LGR5: variants seen among roughly 807,000 people sequenced by gnomAD.
LGR5 encodes the protein leucine rich repeat containing G protein-coupled receptor 5.
LGR5 carries 54 observed loss-of-function variants against 76.7 expected under a neutral mutation model. That is an observed-to-expected ratio of 0.70 (90% CI 0.57 to 0.88). The LOEUF (loss-of-function observed/expected upper bound fraction) is 0.88. LGR5 is among the 40% of genes least tolerant of loss of function. The probability of loss-of-function intolerance (pLI) is 0.00; values close to 1 mark genes in which losing one functional copy is unlikely to be tolerated. For synonymous variants in LGR5, 406 were observed against 421.9 expected (o/e 0.96, Z 0.46); for missense variants, 1,078 against 1,073.3 (o/e 1.00, Z -0.06).
intron 5 of LGR5, among the ~76,000 whole-genome samples, chr12:71,555,870 C>T (rs553152923): frequency 3.0e-4 from 45 of 152,308 alleles, no homozygotes; most frequent in South Asian, 6.2e-4. Flanking sequence ...AAGACACATG[C>T]ATGTGTATGT....
chr12:71,518,173 AC>A lies in LGR5; in HGVS notation c.285-6232del, dbSNP rs1200857339. 2.0e-5 allele frequency among the ~76,000 whole-genome samples: 3 copies of A among 152,228 alleles called. No homozygotes were observed. In the East Asian group the frequency reaches 5.8e-4, roughly 29 times the overall value. ...ACTTAAACAAATTTACAAGAAAAAAACAAAAAATTAAAAAGTGAGCAAACAG... is the reference window on the plus strand; with the variant it reads ...ACTTAAACAAATTTACAAGAAAAAAAAAAAAATTAAAAAGTGAGCAAACAG... On this transcript the variant is annotated intron_variant, in intron 2 of 17. Transcript: ENST00000266674.
intron 1 of LGR5, chr12:71,441,701 C>A (rs1231149835): frequency 1.3e-5 from 2 of 152,202 alleles, no homozygotes; most frequent in African/African-American, 4.8e-5. Flanking sequence ...TCGCCTCCTC[C>A]TCTACCATAA....
At chr12:71,494,110 A>AT (rs1874206148) in intron 1 of LGR5, among the ~76,000 whole-genome samples, 1 of 149,526 alleles carries the variant, frequency 6.7e-6, no homozygotes, top group Non-Finnish European at 1.5e-5. Context: ...TGCCCGGCTA[A>AT]TTTTTTATAC....
At chr12:71,579,043 A>C in intron 15 of LGR5, 114 bp downstream of exon 15, 1 of 965,504 alleles carries the variant, frequency 1.0e-6, no homozygotes, top group East Asian at 2.7e-5. Context: ...ATTGCATTTC[A>C]TGCCCTCAAG....
intron 1 of LGR5, among the ~76,000 whole-genome samples, chr12:71,481,310 T>C (rs1222670371): frequency 2.6e-5 from 4 of 152,026 alleles, no homozygotes; most frequent in Non-Finnish European, 4.4e-5. Context: ...TGTGTTCTCA[T>C]TGTTCAATTC....
intron 2 of LGR5, among the ~76,000 whole-genome samples, chr12:71,513,964 T>G (rs1875299151): frequency 6.6e-6 from 1 of 151,822 alleles, no homozygotes; most frequent in South Asian, 2.1e-4. Context: ...AGCTTAGGAG[T>G]CTATAATCAG....
At chr12:71,514,240 A>G (rs1052782585) in intron 2 of LGR5, among the ~76,000 whole-genome samples, 2 of 152,174 alleles carry the variant, frequency 1.3e-5, no homozygotes, top group African/African-American at 4.8e-5. Flanking sequence ...AGATTCCATA[A>G]AGGAATTAAA....
chr12:71,491,290 G>A (rs567968441), intron 1 of LGR5, among the ~76,000 whole-genome samples: 1 of 152,266 alleles, frequency 6.6e-6, no homozygotes, highest in Non-Finnish European at 1.5e-5. Flanking sequence ...TAAGGGGGAT[G>A]CCAACAGAAA....
At chr12:71,519,317 A>T (rs1172040998) in intron 2 of LGR5, among the ~76,000 whole-genome samples, 1 of 152,166 alleles carries the variant, frequency 6.6e-6, no homozygotes, top group South Asian at 2.1e-4. Context: ...ATAGCACGTC[A>T]CCGCCACAAC....
chr12:71,523,232 G>A (rs1875811196), intron 2 of LGR5, among the ~76,000 whole-genome samples: 1 of 152,170 alleles, frequency 6.6e-6, no homozygotes, highest in African/African-American at 2.4e-5. Context: ...CTCTGTGACT[G>A]AATTCTCTCT....
chr12:71,503,375 C>T (rs1371257048), intron 1 of LGR5, among the ~76,000 whole-genome samples: 4 of 152,150 alleles, frequency 2.6e-5, no homozygotes, highest in Non-Finnish European at 4.4e-5. Flanking sequence ...TACTTGGCTT[C>T]ATTATTTACT....
At position 71,440,002 on chromosome 12, in the gene LGR5, G is replaced by A. The variant is rs577202350; in HGVS notation, c.-79G>A. 4.9e-5 allele frequency: 69 copies of A among 1,414,450 alleles called. No individual in the cohort carries two copies. The East Asian group carries it at 1.6e-3, about 33-fold the overall frequency. 87.6% of individuals were successfully genotyped at this position (1,414,450 alleles called of 1,614,324 possible). ...GAGTTGCAGAAGCCCACGGAGCGGC[G>A]CCCGGCGCGCCACGGCCCGTAGCAG... On this transcript the variant is annotated 5_prime_UTR_variant, in exon 1 of 18. Transcript: ENST00000266674. The surrounding 1 kb of genome is among the most constrained non-coding windows in gnomAD (Gnocchi z 5.3).
chr12:71,584,904 G>C lies in LGR5; in HGVS notation c.*170G>C. 1.6e-6 allele frequency: 1 copy of C among 636,732 alleles called. No homozygotes were observed. The highest frequency in any genetic ancestry group is 2.7e-6 in the Non-Finnish European group (1 of 371,638). The allele number at this position is 636,732 out of a possible 1,614,324, so 39.4% of individuals were successfully genotyped here. On this transcript the variant is annotated 3_prime_UTR_variant, in exon 18 of 18. Coordinates refer to ENST00000266674, the MANE Select transcript of LGR5 (RefSeq NM_003667.4). ...TGAAAACCTCTTGATACTTGAGAGTGAATATAAGTCTAAATGCTGCTTTGT... is the reference window on the plus strand; with the variant it reads ...TGAAAACCTCTTGATACTTGAGAGTCAATATAAGTCTAAATGCTGCTTTGT...
chr12:71,579,778 CCCCAAGTCCACCCTT>C (rs1176030104), intron 15 of LGR5, among the ~76,000 whole-genome samples: 1 of 152,128 alleles, frequency 6.6e-6, no homozygotes, highest in African/African-American at 2.4e-5. Context: ...CCCCACTTCC[CCCCAAGTCCACCCTT>C]CCCAGTCTCT....
intron 1 of LGR5, among the ~76,000 whole-genome samples, chr12:71,465,123 C>T (rs2137233306): frequency 6.6e-6 from 1 of 152,252 alleles, no homozygotes; most frequent in Admixed American, 6.5e-5. Flanking sequence ...GGCAAGGAGC[C>T]TCTCTTTAAT....
chr12:71,492,259 T>C (rs1316454236), intron 1 of LGR5, among the ~76,000 whole-genome samples: 3 of 152,216 alleles, frequency 2.0e-5, no homozygotes, highest in Non-Finnish European at 1.5e-5. Context: ...CTAGGGTTAC[T>C]TTTCCTTCTG....
intron 13 of LGR5, among the ~76,000 whole-genome samples, chr12:71,577,504 T>A (rs970263570): frequency 6.6e-6 from 1 of 152,216 alleles, no homozygotes; most frequent in Non-Finnish European, 1.5e-5. Flanking sequence ...ATATGAGTGA[T>A]GTGCCCAAAT....
chr12:71,496,399 G>C (rs1431369932), intron 1 of LGR5, among the ~76,000 whole-genome samples: 2 of 149,416 alleles, frequency 1.3e-5, no homozygotes. Flanking sequence ...AAAAGAGAGA[G>C]AGAGAGAAAT....
chr12:71,483,162 C>A (rs114844667), intron 1 of LGR5, among the ~76,000 whole-genome samples: 81 of 152,210 alleles, frequency 5.3e-4, no homozygotes, highest in Middle Eastern at 3.4e-3. Context: ...AGATGGATTG[C>A]AAAGAGGGAA....
Sources: gnomAD v4.1 joint callset for allele counts (sites outside exome capture counted in the v4.1 genomes callset) on GRCh38, gnomAD v4.1.1 for gene constraint, Gnocchi (gnomAD v3.1) non-coding constraint, MANE v1.5 for transcripts, NCBI Gene and HGNC (gene_info 2026-07-23, HGNC 2026-07-21) for gene names.